GPHN: variants seen among roughly 807,000 people sequenced by gnomAD.
GPHN encodes gephyrin.
In GPHN, 17 loss-of-function variants were observed where a neutral mutation model predicts 95.5. The observed-to-expected ratio is 0.18, with a 90% CI of 0.12 to 0.27. The LOEUF (loss-of-function observed/expected upper bound fraction) is 0.27. Ranked by LOEUF, GPHN falls within the 10% of genes least tolerant of loss-of-function variation. GPHN has a pLI of 1.00. For missense variants in GPHN, 660 were observed against 978.1 expected (o/e 0.67, Z 4.34); for synonymous variants, 320 against 322.5 (o/e 0.99, Z 0.08).
At chr14:67,187,204 A>T in the GPHN span, among the ~76,000 whole-genome samples, 1 of 152,198 alleles carries the variant, frequency 6.6e-6, no homozygotes, top group Admixed American at 6.5e-5. Flanking sequence ...AGGTACTGAA[A>T]ATTTAAAAAA....
chr14:67,084,681 G>A (rs182357565), intron 11 of GPHN, among the ~76,000 whole-genome samples: 8 of 152,300 alleles, frequency 5.3e-5, no homozygotes, highest in African/African-American at 1.9e-4. Flanking sequence ...TGTTCCCAGT[G>A]TTTGATGAAT....
the GPHN span, among the ~76,000 whole-genome samples, chr14:67,233,476 G>A: frequency 2.6e-5 from 4 of 152,302 alleles, no homozygotes; most frequent in African/African-American, 9.6e-5. Context: ...TGAGAAGGTA[G>A]GGCTTTTCCG....
chr14:67,090,316 G>T (rs1595092346), intron 12 of GPHN, among the ~76,000 whole-genome samples: 1 of 151,864 alleles, frequency 6.6e-6, no homozygotes, highest in Non-Finnish European at 1.5e-5. Flanking sequence ...AGAATTTGAA[G>T]TACTCCAAAA....
the GPHN span, chr14:67,317,317 A>G: frequency 2.6e-6 from 3 of 1,171,948 alleles, no homozygotes; most frequent in South Asian, 4.4e-5. Flanking sequence ...TTTAAAGAAT[A>G]AATGAATGAA....
the GPHN span, among the ~76,000 whole-genome samples, chr14:67,234,294 A>G: frequency 6.6e-6 from 1 of 152,196 alleles, no homozygotes. Flanking sequence ...TTAGCATACA[A>G]AGAGATAAAT....
At chr14:67,536,106 G>A in the GPHN span, among the ~76,000 whole-genome samples, 1 of 152,032 alleles carries the variant, frequency 6.6e-6, no homozygotes, top group African/African-American at 2.4e-5. Flanking sequence ...CTCAAGGAAT[G>A]TTGTACCTGG....
intron 2 of GPHN, among the ~76,000 whole-genome samples, chr14:66,733,830 C>CAT (rs1012390825): frequency 2.0e-5 from 3 of 152,206 alleles, no homozygotes; most frequent in Non-Finnish European, 4.4e-5. Context: ...ACAGAAGAGA[C>CAT]ATAGTTCAGG....
At chr14:67,177,809 A>G (rs867920587) in intron 21 of GPHN, among the ~76,000 whole-genome samples, 3 of 152,168 alleles carry the variant, frequency 2.0e-5, no homozygotes, top group Admixed American at 6.5e-5. Context: ...TTCTTGTTGA[A>G]TTGATCCCTT....
the GPHN span, among the ~76,000 whole-genome samples, chr14:67,277,653 A>G: frequency 1.3e-5 from 2 of 152,238 alleles, no homozygotes; most frequent in Non-Finnish European, 2.9e-5. Flanking sequence ...TATGTAAACA[A>G]CCTGCCTATG....
intron 4 of GPHN, among the ~76,000 whole-genome samples, chr14:66,834,519 G>A (rs1348753626): frequency 2.0e-5 from 3 of 151,948 alleles, no homozygotes; most frequent in Non-Finnish European, 4.4e-5. Flanking sequence ...TAATCATGTG[G>A]TTTTTGTCTT....
intron 2 of GPHN, among the ~76,000 whole-genome samples, chr14:66,692,843 T>A (rs1319598786): frequency 6.6e-6 from 1 of 152,156 alleles, no homozygotes; most frequent in African/African-American, 2.4e-5. Flanking sequence ...GAAGCTTATA[T>A]AGAGCACTTG....
chr14:67,632,851 C>T, the GPHN span, among the ~76,000 whole-genome samples: 6 of 114,280 alleles, frequency 5.3e-5, no homozygotes, highest in East Asian at 1.7e-3. Flanking sequence ...GGCAGAGTCT[C>T]GCTCTATCGC....
chr14:67,279,135 A>G, the GPHN span: 1 of 1,501,440 alleles, frequency 6.7e-7, no homozygotes, highest in Non-Finnish European at 8.9e-7. Context: ...GGAAAAATTG[A>G]TTTATAAAAA....
the GPHN span, chr14:67,600,232 G>C: frequency 3.2e-6 from 5 of 1,538,966 alleles, no homozygotes; most frequent in African/African-American, 1.4e-5. Context: ...CCCGCACCGC[G>C]CGGCGCTGCA....
intron 2 of GPHN, among the ~76,000 whole-genome samples, chr14:66,706,442 A>G (rs945532974): frequency 1.3e-5 from 2 of 152,210 alleles, no homozygotes; most frequent in Non-Finnish European, 2.9e-5. Flanking sequence ...TCAAAACAGC[A>G]TGGTAGTGGT....
intron 9 of GPHN, among the ~76,000 whole-genome samples, chr14:67,022,489 A>G (rs564189143): frequency 6.9e-6 from 1 of 145,444 alleles, no homozygotes; most frequent in South Asian, 2.2e-4. Context: ...GTTTAAAACT[A>G]GTTGAACAAT....
At chr14:66,851,205 A>G (rs975425520) in intron 4 of GPHN, among the ~76,000 whole-genome samples, 3 of 151,988 alleles carry the variant, frequency 2.0e-5, no homozygotes, top group Non-Finnish European at 4.4e-5. Context: ...GATTTTCAAA[A>G]ACTGAACATA....
chr14:67,085,600 T>C (rs1329224517), intron 11 of GPHN, among the ~76,000 whole-genome samples: 1 of 152,242 alleles, frequency 6.6e-6, no homozygotes, highest in Non-Finnish European at 1.5e-5. Context: ...TTGGGGCTAC[T>C]GGCAAGAACT....
the GPHN span, among the ~76,000 whole-genome samples, chr14:67,614,107 G>T: frequency 2.6e-5 from 4 of 151,894 alleles, no homozygotes; most frequent in Non-Finnish European, 5.9e-5. Flanking sequence ...AGCTAATTTT[G>T]TTTATTTTTT....
Sources: allele counts gnomAD v4.1 joint callset (sites outside exome capture counted in the v4.1 genomes callset), GRCh38; gene constraint gnomAD v4.1.1; transcripts MANE v1.5; gene names NCBI Gene and HGNC (gene_info 2026-07-23, HGNC 2026-07-21).